Variants in SFXN5 observed in about 807,000 individuals in gnomAD.
The protein encoded by SFXN5 is sideroflexin-5.
A neutral mutation model predicts 50.2 loss-of-function variants in SFXN5; 43 were observed. The observed-to-expected ratio is 0.86, with a 90% CI of 0.67 to 1.11. The LOEUF (loss-of-function observed/expected upper bound fraction) is 1.11. Among genes scored for constraint, SFXN5 ranks in the 50% least tolerant of loss-of-function variants. The pLI, the probability that SFXN5 is intolerant of heterozygous loss-of-function variation, is 0.00. For missense variants in SFXN5, 463 were observed against 454.1 expected, an observed-to-expected ratio of 1.02 and a Z score of -0.18; for synonymous variants, 203 against 185.8, an observed-to-expected ratio of 1.09 and a Z score of -0.75.
In SFXN5 at chr2:73,071,659, G is replaced by A; in HGVS notation, c.47C>T (p.Ala16Val). ...AGGAGGTGCATCGCTCGAGGCGCTA[G>A]CGGCACTAGCCGCCGCCGCCGATGC... The part of the protein sequence containing the change: ...TTASAAAASA[A>V]SASSDAPPFQ... The change falls in exon 1 of 14, where the codon GCT (alanine) becomes GTT (valine). Residue 16 changes from alanine (A) to valine (V), a missense_variant. By Grantham distance (64) the Ala-to-Val change is moderately conservative. Transcript: ENST00000272433. The A allele has an allele frequency of 6.2e-7, 1 of 1,613,164 alleles. No homozygotes were observed. The highest frequency in any genetic ancestry group is 8.5e-7 in the Non-Finnish European group (1 of 1,179,806).
At chr2:72,964,930 G>T (rs1216911884) in intron 12 of SFXN5, among the ~76,000 whole-genome samples, 1 of 152,236 alleles carries the variant, frequency 6.6e-6, no homozygotes, top group Non-Finnish European at 1.5e-5. Flanking sequence ...ATACGGAAGG[G>T]GGGAAGGGAA....
intron 3 of SFXN5, among the ~76,000 whole-genome samples, chr2:73,037,916 A>T (rs772427094): frequency 6.6e-6 from 1 of 152,252 alleles, no homozygotes; most frequent in African/African-American, 2.4e-5. Flanking sequence ...ACCAAGAAAA[A>T]GGAAGACCTG....
chr2:72,999,830 A>G (rs1673686297), intron 8 of SFXN5, among the ~76,000 whole-genome samples: 1 of 152,042 alleles, frequency 6.6e-6, no homozygotes, highest in South Asian at 2.1e-4. Context: ...TTGCCTTTGA[A>G]TTGAAGTTGG....
intron 1 of SFXN5, among the ~76,000 whole-genome samples, chr2:73,068,585 T>A (rs2106076320): frequency 6.6e-6 from 1 of 152,136 alleles, no homozygotes; most frequent in Admixed American, 6.5e-5. Context: ...TCAATTTAAT[T>A]CAAGTCCGCA....
rs1348446713 is a variant in SFXN5, at chr2:73,023,113, T to G, written c.276+75A>C. 3.4e-6 allele frequency: 5 copies of G among 1,487,854 alleles called. No individual in the cohort carries two copies. The Admixed American group carries it at 9.8e-5, about 29-fold the overall frequency. 92.2% of individuals were successfully genotyped at this position (1,487,854 alleles called of 1,614,324 possible). ...AGAGCCACCGGAGGGGGGCTTCCAC[T>G]AGATCCCTGGGACAGGGCAGGGTGG... is the stretch of plus-strand genomic sequence containing the variant. On this transcript the variant is annotated intron_variant, in intron 4 of 13. Transcript: ENST00000272433.
At chr2:73,027,742 C>T (rs946854055) in intron 3 of SFXN5, among the ~76,000 whole-genome samples, 1 of 152,154 alleles carries the variant, frequency 6.6e-6, no homozygotes, top group Admixed American at 6.5e-5. Context: ...TCACTACAGC[C>T]TCCACCTCTC....
At chr2:73,048,563 A>G (rs904183793) in intron 2 of SFXN5, among the ~76,000 whole-genome samples, 1 of 152,188 alleles carries the variant, frequency 6.6e-6, no homozygotes, top group African/African-American at 2.4e-5. Flanking sequence ...GTTAATGGTG[A>G]TTATTTCTAG....
At chr2:72,994,046 C>T (rs1017976358) in intron 9 of SFXN5, among the ~76,000 whole-genome samples, 7 of 152,134 alleles carry the variant, frequency 4.6e-5, no homozygotes, top group African/African-American at 9.7e-5. Flanking sequence ...GGTAATAGCT[C>T]CTCCAACCTA....
At chr2:73,008,411 G>A (rs181327319) in intron 6 of SFXN5, among the ~76,000 whole-genome samples, 1 of 152,324 alleles carries the variant, frequency 6.6e-6, no homozygotes, top group East Asian at 1.9e-4. Flanking sequence ...GGCTGAGAGA[G>A]GCACAAATGC....
intron 6 of SFXN5, among the ~76,000 whole-genome samples, chr2:73,015,577 C>T (rs904297858): frequency 1.2e-4 from 19 of 152,142 alleles, no homozygotes; most frequent in African/African-American, 4.1e-4. Context: ...GCCTTGGCCT[C>T]TCAAAGTGCT....
intron 6 of SFXN5, among the ~76,000 whole-genome samples, chr2:73,004,922 G>C (rs1437739830): frequency 6.6e-6 from 1 of 152,204 alleles, no homozygotes; most frequent in African/African-American, 2.4e-5. Context: ...TCAGCTCTCA[G>C]ATGTATATCT....
chr2:73,043,077 T>C (rs1370394659), intron 2 of SFXN5, among the ~76,000 whole-genome samples: 1 of 151,896 alleles, frequency 6.6e-6, no homozygotes, highest in African/African-American at 2.4e-5. Flanking sequence ...AATAAATAAA[T>C]AAATAAACAA....
In SFXN5 at chr2:72,986,391, C is replaced by G. The variant is rs185824088; in HGVS notation, c.625+1867G>C. Reference sequence around the variant, plus strand: ...GGCCTCACTTGCTCCTCCCAGAGCTCTGGGCTGTAGGAAGGTGGGTACTGG... The same window carrying G: ...GGCCTCACTTGCTCCTCCCAGAGCTGTGGGCTGTAGGAAGGTGGGTACTGG... On this transcript the variant is annotated intron_variant, in intron 10 of 13. Coordinates refer to ENST00000272433, the MANE Select transcript of SFXN5 (RefSeq NM_144579.3). 1.8e-3 allele frequency among the ~76,000 whole-genome samples: 281 copies of G among 152,236 alleles called. 3 individuals carry two copies. The highest frequency in any genetic ancestry group is 6.8e-3 in the Middle Eastern group (2 of 294).
chr2:73,008,342 G>A (rs1014935089), intron 6 of SFXN5, among the ~76,000 whole-genome samples: 3 of 152,156 alleles, frequency 2.0e-5, no homozygotes, highest in Non-Finnish European at 4.4e-5. Flanking sequence ...TTGAGAGTTC[G>A]ACATGACATG....
chr2:72,997,591 T>A (rs1673398888), intron 9 of SFXN5: 2 of 151,188 alleles, frequency 1.3e-5, no homozygotes, highest in South Asian at 4.2e-4. Context: ...ATTATTTATT[T>A]ATTTTTTTTT....
At chr2:72,968,628 A>T in intron 11 of SFXN5, 95 bp from the exon 12 acceptor site, 2 of 1,096,322 alleles carry the variant, frequency 1.8e-6, no homozygotes, top group Non-Finnish European at 2.6e-6. Flanking sequence ...ACCACAACGC[A>T]TGTGTGTCTG....
At chr2:73,021,257 C>G (rs184894634) in intron 5 of SFXN5, among the ~76,000 whole-genome samples, 1 of 152,122 alleles carries the variant, frequency 6.6e-6, no homozygotes, top group Non-Finnish European at 1.5e-5. Flanking sequence ...CCAAAGCAGG[C>G]GGATCACTTG....
At chr2:73,059,575 C>A in intron 1 of SFXN5, 1 of 985,338 alleles carries the variant, frequency 1.0e-6, no homozygotes, top group Non-Finnish European at 1.2e-6. Context: ...ACCTCAAAGT[C>A]CCCCCACACA....
chr2:72,970,638 T>G (rs945031439), intron 11 of SFXN5, among the ~76,000 whole-genome samples: 1 of 150,780 alleles, frequency 6.6e-6, no homozygotes, highest in African/African-American at 2.4e-5. Flanking sequence ...CTAACCACCA[T>G]CAGGACAAAG....
Sources: gnomAD v4.1 joint callset for allele counts (sites outside exome capture counted in the v4.1 genomes callset) on GRCh38, gnomAD v4.1.1 for gene constraint, MANE v1.5 for transcripts, NCBI Gene and HGNC (gene_info 2026-07-23, HGNC 2026-07-21) for gene names.